UNC80: variants seen among roughly 807,000 people sequenced by gnomAD.
UNC80 encodes protein unc-80 homolog.
UNC80 carries 164 observed loss-of-function variants against 384.6 expected under a neutral mutation model. That is an observed-to-expected ratio of 0.43 (90% CI 0.38 to 0.49). The LOEUF is 0.49. Ranked by LOEUF, UNC80 falls within the 20% of genes least tolerant of loss-of-function variation. UNC80 has a pLI of 0.00. For missense variants in UNC80, 3,330 were observed against 4,143.0 expected, an observed-to-expected ratio of 0.80 and a Z score of 5.39; for synonymous variants, 1,486 against 1,527.8, an observed-to-expected ratio of 0.97 and a Z score of 0.64.
intron 12 of UNC80, among the ~76,000 whole-genome samples, chr2:209,819,650 A>G (rs921746051): frequency 2.0e-5 from 3 of 152,236 alleles, no homozygotes; most frequent in Non-Finnish European, 4.4e-5. Flanking sequence ...AAAAAAATGA[A>G]TAGAAATTCT....
intron 28 of UNC80, among the ~76,000 whole-genome samples, chr2:209,897,923 A>T (rs747436057): frequency 2.8e-4 from 42 of 152,180 alleles, no homozygotes; most frequent in Non-Finnish European, 5.1e-4. Context: ...TTTAGATTTT[A>T]TATTTCTTCT....
At chr2:209,813,377 T>C (rs1165390897) in intron 7 of UNC80, among the ~76,000 whole-genome samples, 1 of 152,124 alleles carries the variant, frequency 6.6e-6, no homozygotes, top group African/African-American at 2.4e-5. Flanking sequence ...CCTTCAAAAC[T>C]CTCTCAATAT....
chr2:209,978,297 T>C (rs930774032), intron 58 of UNC80, among the ~76,000 whole-genome samples: 3 of 152,226 alleles, frequency 2.0e-5, no homozygotes, highest in Non-Finnish European at 4.4e-5. Flanking sequence ...TTTAATATTG[T>C]TACAGATGTT....
rs1172107612 is a variant in UNC80 at position 209,998,675 on chromosome 2, G to A, written c.*3080G>A. ...TAGGATGTGTGTGGAGGGGCTTTTA[G>A]GGAAGAAAGGGTCATAAATGAATAG... On this transcript the variant is annotated 3_prime_UTR_variant, in exon 65 of 65. Coordinates refer to ENST00000673920, the MANE Select transcript of UNC80 (RefSeq NM_001371986.1). The A allele has an allele frequency of 6.6e-6, 1 of 152,192 alleles. No individual in the cohort carries two copies. Among genetic ancestry groups the A allele is most frequent in the African/African-American group, 2.4e-5 (1 of 41,426 alleles). The allele number at this position is 152,192 out of a possible 1,614,324, so 9.4% of individuals were successfully genotyped here.
intron 54 of UNC80, 81 bp downstream of exon 54, chr2:209,971,038 C>T: frequency 6.8e-7 from 1 of 1,478,844 alleles, no homozygotes; most frequent in South Asian, 1.4e-5. Flanking sequence ...TTTTTTTCTG[C>T]AAAGGCTGGG....
Position 209,817,832 on chromosome 2 carries a change from A to G in UNC80, c.1573A>G (p.Ser525Gly). The change falls in exon 11 of 65, where the codon AGT becomes GGT. Residue 525 changes from serine (S) to glycine (G), a missense_variant. Ser to Gly is a moderately conservative substitution (Grantham distance 56, BLOSUM62 0). Coordinates refer to ENST00000673920, the MANE Select transcript of UNC80 (RefSeq NM_001371986.1). Reference protein sequence around the residue: ...TILGKLTRRGSSDAATEMESL... With the variant: ...TILGKLTRRGGSDAATEMESL... ...CCCAGGGAAATTGACCCGGCGAGGC[A>G]GTTCAGATGCAGCCACTGAGATGGA... 10 of 1,551,638 alleles carry G rather than the reference A, an allele frequency of 6.4e-6. No individual in the cohort carries two copies. The highest frequency in any genetic ancestry group is 8.7e-6 in the Non-Finnish European group (10 of 1,146,972).
At chr2:209,951,285 T>A (rs1276531530) in intron 47 of UNC80, among the ~76,000 whole-genome samples, 1 of 140,350 alleles carries the variant, frequency 7.1e-6, no homozygotes, top group African/African-American at 2.8e-5. Flanking sequence ...GAATTTAACG[T>A]GTCCTTTTTT....
chr2:209,965,402 G>C (rs745992934), intron 51 of UNC80, among the ~76,000 whole-genome samples: 1 of 151,994 alleles, frequency 6.6e-6, no homozygotes, highest in Non-Finnish European at 1.5e-5. Context: ...TTATATGTTT[G>C]AGATTTTCCA....
At chr2:209,922,933 G>C (rs2090152289) in intron 35 of UNC80, among the ~76,000 whole-genome samples, 1 of 152,136 alleles carries the variant, frequency 6.6e-6, no homozygotes, top group Admixed American at 6.5e-5. Flanking sequence ...TTGACCATAT[G>C]TATATCTTCT....
chr2:209,803,889 G>A (rs974748226), intron 7 of UNC80, among the ~76,000 whole-genome samples: 5 of 152,038 alleles, frequency 3.3e-5, no homozygotes, highest in African/African-American at 1.2e-4. Flanking sequence ...GCACCATCAA[G>A]TCCCACTATT....
intron 13 of UNC80, among the ~76,000 whole-genome samples, chr2:209,824,822 A>G (rs905014319): frequency 8.5e-5 from 13 of 152,146 alleles, no homozygotes; most frequent in Non-Finnish European, 1.9e-4. Flanking sequence ...CTTCCATACC[A>G]TGCGCACATT....
intron 4 of UNC80, among the ~76,000 whole-genome samples, chr2:209,785,289 A>G (rs1400561188): frequency 6.6e-6 from 1 of 152,204 alleles, no homozygotes; most frequent in Admixed American, 6.5e-5. Flanking sequence ...AGTGTTTAAG[A>G]TATAATCTCA....
In UNC80 at chr2:209,872,670, T is replaced by G; in HGVS notation, c.3628-88T>G. 1 of 1,242,412 alleles carries G rather than the reference T, an allele frequency of 8.0e-7. No individual in the cohort carries two copies. Among genetic ancestry groups the G allele is most frequent in the Non-Finnish European group, 1.1e-6 (1 of 874,700 alleles). The allele number at this position is 1,242,412 out of a possible 1,614,324, so 77.0% of individuals were successfully genotyped here. A position where few individuals can be genotyped will look rare whatever the true frequency, so the allele number is the denominator to read the frequency against. On this transcript the variant is annotated intron_variant, in intron 22 of 64. Coordinates refer to ENST00000673920, the MANE Select transcript of UNC80 (RefSeq NM_001371986.1). This position sits in a 1 kb window ranked among gnomAD's most constrained non-coding sequence, Gnocchi z 4.1. ...TCAAAACATGAAGAGGAAAATAAACTAAAAATACACAGTAATTCCCTTTAA... is the reference window on the plus strand; with the variant it reads ...TCAAAACATGAAGAGGAAAATAAACGAAAAATACACAGTAATTCCCTTTAA...
In UNC80 at chr2:209,839,427, A is replaced by T; in HGVS notation, c.3247A>T (p.Ile1083Leu). 6.4e-7 allele frequency: 1 copy of T among 1,552,032 alleles called. No individual in the cohort carries two copies. The highest frequency in any genetic ancestry group is 8.7e-7 in the Non-Finnish European group (1 of 1,147,050). ...ISLRKKLKLP[I>L]GNWLKRSSLS... The stretch of plus-strand genomic sequence containing the variant: ...CCTCCGAAAGAAGCTTAAACTCCCC[A>T]TAGGTAAAAGTATGTCTGTATTTGT... The change falls in exon 19 of 65, where the codon ATA (isoleucine) becomes TTA (leucine). Residue 1083 changes from isoleucine to leucine, a missense_variant. Transcript: ENST00000673920. This position sits in a 1 kb window ranked among gnomAD's most constrained non-coding sequence, Gnocchi z 4.1.
chr2:209,981,043 T>A (rs1010010919), intron 59 of UNC80, among the ~76,000 whole-genome samples: 1 of 152,256 alleles, frequency 6.6e-6, no homozygotes, highest in Non-Finnish European at 1.5e-5. Flanking sequence ...TTAAAATTGC[T>A]AGCACGTTTT....
chr2:209,847,588 T>G (rs557103850), intron 21 of UNC80, among the ~76,000 whole-genome samples: 22 of 152,122 alleles, frequency 1.4e-4, no homozygotes, highest in South Asian at 4.1e-4. Flanking sequence ...ACTTCTCTCT[T>G]CATTATTTTA....
intron 22 of UNC80, among the ~76,000 whole-genome samples, chr2:209,860,447 G>C (rs762768175): frequency 2.6e-5 from 4 of 151,982 alleles, no homozygotes; most frequent in Admixed American, 2.0e-4. Context: ...GTAGTTTGAA[G>C]TCAGTCAGCA....
chr2:209,851,881 A>G (rs776204465), intron 22 of UNC80, among the ~76,000 whole-genome samples: 56 of 152,060 alleles, frequency 3.7e-4, no homozygotes, highest in Non-Finnish European at 5.4e-4. Flanking sequence ...TTATTAAAAT[A>G]TTATGTGAGA....
intron 44 of UNC80, among the ~76,000 whole-genome samples, chr2:209,942,236 C>G (rs1482554543): frequency 6.6e-6 from 1 of 152,114 alleles, no homozygotes; most frequent in Admixed American, 6.5e-5. Context: ...AACCATCCCC[C>G]GCACTCACCC....
Sources: gnomAD v4.1 joint callset for allele counts (sites outside exome capture counted in the v4.1 genomes callset) on GRCh38, gnomAD v4.1.1 for gene constraint, Gnocchi (gnomAD v3.1) non-coding constraint, MANE v1.5 for transcripts, NCBI Gene and HGNC (gene_info 2026-07-23, HGNC 2026-07-21) for gene names.